ANO1: variants seen among roughly 807,000 people sequenced by gnomAD.
The protein encoded by ANO1 is anoctamin 1.
A neutral mutation model predicts 124.0 loss-of-function variants in ANO1; 59 were observed. The ratio of observed to expected loss-of-function variants is 0.48; its 90% CI spans 0.39 to 0.59. The LOEUF is 0.59. ANO1 is among the 20% of genes least tolerant of loss of function. ANO1 has a pLI of 0.00. For synonymous variants in ANO1, 529 were observed against 532.0 expected (o/e 0.99, Z 0.08); for missense variants, 1,059 against 1,328.0 (o/e 0.80, Z 3.15).
chr11:70,164,910 G>A (rs374641389), intron 19 of ANO1, among the ~76,000 whole-genome samples: 1 of 152,084 alleles, frequency 6.6e-6, no homozygotes, highest in Non-Finnish European at 1.5e-5. Context: ...TGCGCTCCCC[G>A]CTCCCATCCA....
rs2045390994 is a variant in ANO1, at chr11:70,104,097, G to A, written c.639G>A (p.Arg213=). ...TCCAGCCCAAAGTGGCTGAGCACAGGCCCCAGACCATGAAGAGACTCTCCT... is the reference window on the plus strand; with the variant it reads ...TCCAGCCCAAAGTGGCTGAGCACAGACCCCAGACCATGAAGAGACTCTCCT... ...DPIQPKVAEH[R]PQTMKRLSYP... Residue 213 remains arginine (R), a synonymous_variant, in exon 4 of 26, where the codon AGG becomes AGA. Coordinates refer to ENST00000355303, the MANE Select transcript of ANO1 (RefSeq NM_018043.7). 3 of 1,613,046 alleles carry A rather than the reference G, an allele frequency of 1.9e-6. No homozygotes were observed. The highest frequency in any genetic ancestry group is 4.5e-5 in the East Asian group (2 of 44,866).
chr11:70,153,646 C>T (rs533231768), intron 14 of ANO1, among the ~76,000 whole-genome samples: 5 of 152,288 alleles, frequency 3.3e-5, no homozygotes, highest in African/African-American at 4.8e-5. Flanking sequence ...TTGAGGTCAT[C>T]GTCTTTTTAT....
chr11:70,165,383 C>A, intron 19 of ANO1, 87 bp from the exon 20 acceptor site: 1 of 1,147,026 alleles, frequency 8.7e-7, no homozygotes, highest in South Asian at 1.3e-5. Context: ...CAGGTCAACC[C>A]ACAGCATGAG....
chr11:70,084,878 G>A (rs1329858474), intron 1 of ANO1, among the ~76,000 whole-genome samples: 2 of 152,180 alleles, frequency 1.3e-5, no homozygotes, highest in East Asian at 3.9e-4. Flanking sequence ...CAGGAGTCTG[G>A]TACTCAGGGC....
At position 70,095,427 on chromosome 11, in the gene ANO1, A is replaced by AAAAGAAAGAAAAG. The variant is rs1465646549; in HGVS notation, c.441+7350_441+7351insGAAAAGAAAGAAA. ...GAAAGAAAGAAAGAAAGAAAGAAAG[A>AAAAGAAAGAAAAG]AAAGAAAAGAAAGAAAGAGGGAAAG... On this transcript the variant is annotated intron_variant, in intron 2 of 25. Transcript: ENST00000355303. Among the ~76,000 whole-genome samples, 95 of 30,686 alleles carry AAAAGAAAGAAAAG rather than the reference A, an allele frequency of 3.1e-3. 2 individuals carry two copies. Among genetic ancestry groups the AAAAGAAAGAAAAG allele is most frequent in the Non-Finnish European group, 5.5e-3 (73 of 13,190 alleles). 20.1% of individuals were successfully genotyped at this position (30,686 alleles called of 152,430 possible). A position where few individuals can be genotyped will look rare whatever the true frequency, so the allele number is the denominator to read the frequency against.
intron 1 of ANO1, among the ~76,000 whole-genome samples, chr11:70,001,973 T>G (rs1856390514): frequency 6.6e-6 from 1 of 151,586 alleles, no homozygotes; most frequent in African/African-American, 2.4e-5. Context: ...TTGGAAGGAG[T>G]GTTTAAATTA....
intron 23 of ANO1, 130 bp downstream of exon 23, chr11:70,180,186 A>T: frequency 2.4e-6 from 2 of 823,240 alleles, no homozygotes; most frequent in Non-Finnish European, 4.0e-6. Context: ...GGCTGCCCGG[A>T]TTCTCTAGTT....
chr11:70,053,400 TTTGTTG>T (rs1270193329), intron 1 of ANO1, among the ~76,000 whole-genome samples: 1 of 152,228 alleles, frequency 6.6e-6, no homozygotes, highest in South Asian at 2.1e-4. Context: ...TAACATGCCA[TTTGTTG>T]TAGGTTTAGT....
Position 70,165,592 on chromosome 11 carries a change from A to G in ANO1, c.2051+22A>G, listed in dbSNP as rs558695747. 3 of 1,598,578 alleles carry G rather than the reference A, an allele frequency of 1.9e-6. No homozygotes were observed. In the South Asian group the frequency reaches 3.4e-5, roughly 18 times the overall value. On this transcript the variant is annotated intron_variant, in intron 20 of 25. Transcript: ENST00000355303. ...TCCCGTGAGTGTGCTGCAGCGGGTTAGAGCGGCAGGGGCGGGGCCAGGCGG... is the reference window on the plus strand; with the variant it reads ...TCCCGTGAGTGTGCTGCAGCGGGTTGGAGCGGCAGGGGCGGGGCCAGGCGG...
At chr11:70,130,866 G>A (rs534224160) in intron 10 of ANO1, among the ~76,000 whole-genome samples, 2 of 152,360 alleles carry the variant, frequency 1.3e-5, no homozygotes, top group African/African-American at 4.8e-5. Context: ...CGTTCTCCCA[G>A]AGAAGAGTCC....
At position 70,125,020 on chromosome 11, in the gene ANO1, G is replaced by A. The variant is rs192103834; in HGVS notation, c.962+606G>A. ...GCCATCAGCATGGGCCATCGCACAC[G>A]GAAAAGCGCCCACCTTCCCAAGGCA... On this transcript the variant is annotated intron_variant, in intron 9 of 25. Transcript: ENST00000355303. 2.6e-3 allele frequency among the ~76,000 whole-genome samples: 392 copies of A among 152,316 alleles called. 1 individual carries two copies. Among genetic ancestry groups the A allele is most frequent in the Non-Finnish European group, 4.5e-3 (309 of 68,026 alleles).
chr11:70,167,867 C>T (rs796575354), intron 21 of ANO1, among the ~76,000 whole-genome samples: 2 of 152,288 alleles, frequency 1.3e-5, no homozygotes, highest in African/African-American at 4.8e-5. Flanking sequence ...AAGGTCCCTC[C>T]TCTCAGCTCC....
chr11:70,161,403 C>G, intron 17 of ANO1, 41 bp downstream of exon 17: 4 of 1,596,922 alleles, frequency 2.5e-6, no homozygotes, highest in Non-Finnish European at 3.4e-6. Context: ...TGGACTCAGG[C>G]AGCTGGAGTC....
intron 1 of ANO1, among the ~76,000 whole-genome samples, chr11:69,987,407 G>C (rs1362468640): frequency 1.3e-5 from 2 of 152,086 alleles, no homozygotes; most frequent in African/African-American, 4.8e-5. Context: ...CCCTGTAAAG[G>C]GGTGTATAAT....
chr11:70,163,231 G>A (rs1422126097), intron 18 of ANO1, 52 bp from the exon 19 acceptor site: 9 of 1,587,466 alleles, frequency 5.7e-6, no homozygotes, highest in African/African-American at 2.7e-5. Context: ...GTCTCTCCCC[G>A]AGCTGAGCCA....
intron 11 of ANO1, among the ~76,000 whole-genome samples, chr11:70,132,866 G>A (rs1326230500): frequency 1.3e-5 from 2 of 152,228 alleles, no homozygotes; most frequent in African/African-American, 4.8e-5. Flanking sequence ...CCCACGCCGG[G>A]CACTTAAGCC....
chr11:70,013,642 A>C (rs535227889), intron 1 of ANO1, among the ~76,000 whole-genome samples: 1 of 151,854 alleles, frequency 6.6e-6, no homozygotes, highest in Non-Finnish European at 1.5e-5. Flanking sequence ...AAAACAAAAC[A>C]AAACAAAAAA....
chr11:70,130,131 C>T (rs374010651), intron 10 of ANO1, among the ~76,000 whole-genome samples: 3 of 152,184 alleles, frequency 2.0e-5, no homozygotes, highest in African/African-American at 4.8e-5. Context: ...AGCATCCCCC[C>T]ACATCACCCT....
intron 1 of ANO1, among the ~76,000 whole-genome samples, chr11:69,993,956 C>T (rs1261451255): frequency 6.6e-6 from 1 of 152,200 alleles, no homozygotes; most frequent in Non-Finnish European, 1.5e-5. Context: ...GGCACAGGCC[C>T]CTCTCCCTGG....
Sources: gnomAD v4.1 joint callset for allele counts (sites outside exome capture counted in the v4.1 genomes callset) on GRCh38, gnomAD v4.1.1 for gene constraint, MANE v1.5 for transcripts, NCBI Gene and HGNC (gene_info 2026-07-23, HGNC 2026-07-21) for gene names.